The following BICD1 variants were observed in gnomAD, a reference collection of about 807,000 sequenced individuals.
The protein encoded by BICD1 is BICD cargo adaptor 1.
A neutral mutation model predicts 92.5 loss-of-function variants in BICD1; 35 were observed. The ratio of observed to expected loss-of-function variants is 0.38; its 90% CI spans 0.29 to 0.50. The LOEUF (loss-of-function observed/expected upper bound fraction) is 0.50, where lower values mean the gene tolerates loss of function less well. Among genes scored for constraint, BICD1 ranks in the 20% least tolerant of loss-of-function variants. BICD1 has a pLI of 0.93. For synonymous variants in BICD1, 429 were observed against 465.1 expected (o/e 0.92, Z 1.00); for missense variants, 950 against 1,189.8 (o/e 0.80, Z 2.97).
intron 1 of BICD1, among the ~76,000 whole-genome samples, chr12:32,127,680 G>A (rs147460161): frequency 4.6e-5 from 7 of 152,132 alleles, no homozygotes; most frequent in African/African-American, 1.7e-4. Context: ...CTTTGCTTTG[G>A]AAAGCTCTCA....
intron 4 of BICD1, among the ~76,000 whole-genome samples, chr12:32,320,969 A>G (rs188617372): frequency 1.6e-4 from 24 of 152,300 alleles, no homozygotes; most frequent in Admixed American, 1.4e-3. Context: ...AGTAACACTT[A>G]AAATGTATAG....
At chr12:32,114,845 G>C (rs764270228) in intron 1 of BICD1, among the ~76,000 whole-genome samples, 30 of 152,210 alleles carry the variant, frequency 2.0e-4, no homozygotes, top group Non-Finnish European at 3.5e-4. Flanking sequence ...ACTGGGGACA[G>C]TAAGGTCTAA....
At chr12:32,254,806 A>T (rs1946673138) in intron 2 of BICD1, among the ~76,000 whole-genome samples, 1 of 152,216 alleles carries the variant, frequency 6.6e-6, no homozygotes. Context: ...AACCTTGCTT[A>T]AAAAGCAATT....
intron 2 of BICD1, among the ~76,000 whole-genome samples, chr12:32,266,987 C>T (rs1947014963): frequency 6.6e-6 from 1 of 152,214 alleles, no homozygotes; most frequent in African/African-American, 2.4e-5. Context: ...TGAGGTTTGA[C>T]TTCTGTTATG....
chr12:32,219,849 A>G (rs1164972913), intron 2 of BICD1, among the ~76,000 whole-genome samples: 1 of 152,228 alleles, frequency 6.6e-6, no homozygotes, highest in Non-Finnish European at 1.5e-5. Context: ...ACTATACTAC[A>G]AGGCTACAGT....
At chr12:32,356,903 C>T (rs1283632075) in intron 8 of BICD1, among the ~76,000 whole-genome samples, 1 of 152,144 alleles carries the variant, frequency 6.6e-6, no homozygotes, top group Non-Finnish European at 1.5e-5. Context: ...ACATTCCACT[C>T]CCGTCAGTTT....
intron 2 of BICD1, among the ~76,000 whole-genome samples, chr12:32,280,327 A>G (rs9668476): frequency 0.083 from 12,706 of 152,248 alleles, 1,769 homozygotes; most frequent in African/African-American, 0.29. Context: ...GAAGACCCAA[A>G]GAAGTGACCA....
At chr12:32,143,037 A>C (rs1392295413) in intron 1 of BICD1, among the ~76,000 whole-genome samples, 1 of 151,970 alleles carries the variant, frequency 6.6e-6, no homozygotes, top group Non-Finnish European at 1.5e-5. Flanking sequence ...TTACCTCCTG[A>C]TTATATTTTT....
chr12:32,111,059 C>T lies in BICD1; in HGVS notation c.213+3515C>T, dbSNP rs577132345. Among the ~76,000 whole-genome samples the T allele has an allele frequency of 1.4e-4, 22 of 152,050 alleles. No homozygotes were observed. The East Asian group carries it at 3.5e-3, about 24-fold the overall frequency. Reference sequence around the variant, plus strand: ...AAAATGTTGTAAAGTTGAAAAAGAGCCCCTTAGAAAGGAATGATTCAGCAT... The same window carrying T: ...AAAATGTTGTAAAGTTGAAAAAGAGTCCCTTAGAAAGGAATGATTCAGCAT... On this transcript the variant is annotated intron_variant, in intron 1 of 9. Coordinates refer to ENST00000652176, the MANE Select transcript of BICD1 (RefSeq NM_001714.4).
chr12:32,262,676 G>A (rs1946887757), intron 2 of BICD1, among the ~76,000 whole-genome samples: 1 of 152,180 alleles, frequency 6.6e-6, no homozygotes. Flanking sequence ...GACAGCAAAG[G>A]AGAAGGTGGC....
chr12:32,357,025 T>TC (rs1337952869), intron 8 of BICD1, among the ~76,000 whole-genome samples: 4 of 151,540 alleles, frequency 2.6e-5, no homozygotes, highest in African/African-American at 4.9e-5. Flanking sequence ...TTTTTTTTTT[T>TC]TTTTTGATGG....
At chr12:32,239,440 T>C (rs111525546) in intron 2 of BICD1, among the ~76,000 whole-genome samples, 18,510 of 145,132 alleles carry the variant, frequency 0.13, 1,928 homozygotes, top group African/African-American at 0.29. Context: ...GTGGCGCATG[T>C]TTGTAATCCC....
intron 1 of BICD1, among the ~76,000 whole-genome samples, chr12:32,194,294 G>C (rs568945614): frequency 3.9e-5 from 6 of 152,138 alleles, no homozygotes; most frequent in Non-Finnish European, 5.9e-5. Context: ...CCAAGAACAA[G>C]AGAAGGATGC....
chr12:32,176,867 AC>A (rs1944103814), intron 1 of BICD1, among the ~76,000 whole-genome samples: 1 of 152,120 alleles, frequency 6.6e-6, no homozygotes, highest in Non-Finnish European at 1.5e-5. Context: ...GAACAAAGGT[AC>A]TATTAAACAT....
At chr12:32,116,510 C>CTCTATATATATATA (rs1233964108) in intron 1 of BICD1, among the ~76,000 whole-genome samples, 3 of 104,374 alleles carry the variant, frequency 2.9e-5, no homozygotes, top group East Asian at 6.5e-4. Context: ...CTCTCTCTCT[C>CTCTATATATATATA]TATATATATA....
At chr12:32,334,846 T>C (rs1938036193) in intron 6 of BICD1, among the ~76,000 whole-genome samples, 179 bp downstream of exon 6, 2 of 152,196 alleles carry the variant, frequency 1.3e-5, no homozygotes, top group African/African-American at 2.4e-5. Context: ...TGTGCTGTTT[T>C]CCAGAGCCCC....
chr12:32,230,015 G>A (rs796985792), intron 2 of BICD1, among the ~76,000 whole-genome samples: 88 of 151,280 alleles, frequency 5.8e-4, no homozygotes, highest in African/African-American at 2.0e-3. Context: ...AGCAGAATAT[G>A]TGGATGTGGA....
intron 4 of BICD1, among the ~76,000 whole-genome samples, chr12:32,306,876 C>A (rs1252883110): frequency 3.3e-5 from 4 of 122,262 alleles, no homozygotes; most frequent in Non-Finnish European, 7.1e-5. Flanking sequence ...ATTAGCTGGA[C>A]GTGGTGGTGG....
intron 1 of BICD1, among the ~76,000 whole-genome samples, chr12:32,163,146 A>G (rs1167785605): frequency 6.6e-6 from 1 of 152,128 alleles, no homozygotes; most frequent in Non-Finnish European, 1.5e-5. Flanking sequence ...CAGTATTTCT[A>G]CTTGCTTTTT....
Sources: allele counts gnomAD v4.1 joint callset (sites outside exome capture counted in the v4.1 genomes callset), GRCh38; gene constraint gnomAD v4.1.1; transcripts MANE v1.5; gene names NCBI Gene and HGNC (gene_info 2026-07-23, HGNC 2026-07-21).